The following HRH1 variants were observed in gnomAD, a reference collection of about 807,000 sequenced individuals.
HRH1 encodes histamine H1 receptor.
HRH1 carries 6 observed loss-of-function variants against 10.3 expected under a neutral mutation model. The observed-to-expected ratio is 0.58, with a 90% CI of 0.32 to 1.15. The LOEUF (loss-of-function observed/expected upper bound fraction) is 1.15, where lower values mean the gene tolerates loss of function less well. Ranked by LOEUF, HRH1 falls within the 50% of genes most tolerant of loss-of-function variation. HRH1 has a pLI of 0.05. For missense variants in HRH1, 514 were observed against 615.3 expected (o/e 0.84, Z 1.74); for synonymous variants, 242 against 236.7 (o/e 1.02, Z -0.21).
chr3:11,232,044 T>A (rs1161484552), intron 1 of HRH1, among the ~76,000 whole-genome samples: 1 of 151,204 alleles, frequency 6.6e-6, no homozygotes, highest in Non-Finnish European at 1.5e-5. Context: ...CAGGCTGGAG[T>A]GCAATGGTGC....
chr3:11,235,025 C>A (rs1939140581), intron 1 of HRH1, among the ~76,000 whole-genome samples: 1 of 152,010 alleles, frequency 6.6e-6, no homozygotes, highest in South Asian at 2.1e-4. Flanking sequence ...ACCATCCTGG[C>A]TAACACAGTG....
At chr3:11,152,484 C>T (rs1936657166), upstream of HRH1, among the ~76,000 whole-genome samples, 1 of 152,158 alleles carries the variant, frequency 6.6e-6, no homozygotes, top group Non-Finnish European at 1.5e-5. Context: ...TTTAGCAGGC[C>T]TAAAACTAGC....
At chr3:11,184,004 G>A (rs757187360) in intron 1 of HRH1, among the ~76,000 whole-genome samples, 1 of 151,882 alleles carries the variant, frequency 6.6e-6, no homozygotes, top group South Asian at 2.1e-4. Context: ...CCATGCCTGG[G>A]ACCTCCTAAG....
intron 1 of HRH1, among the ~76,000 whole-genome samples, chr3:11,160,000 A>G (rs1410503073): frequency 6.6e-6 from 1 of 152,244 alleles, no homozygotes; most frequent in Non-Finnish European, 1.5e-5. Context: ...CCAGACATCC[A>G]GATGAAGGGG....
At chr3:11,181,653 A>C in intron 1 of HRH1, among the ~76,000 whole-genome samples, 1 of 105,276 alleles carries the variant, frequency 9.5e-6, no homozygotes, top group South Asian at 2.7e-4. Flanking sequence ...TTTTTTTGAG[A>C]CGGAGTCTCG....
intron 1 of HRH1, among the ~76,000 whole-genome samples, chr3:11,225,139 C>T (rs538509473): frequency 6.6e-6 from 1 of 152,280 alleles, no homozygotes; most frequent in East Asian, 1.9e-4. Context: ...AGGACTTGGG[C>T]CCCTGGAACT....
At chr3:11,141,088 C>T (rs1169867374) in intron 1 of HRH1, among the ~76,000 whole-genome samples, 1 of 152,134 alleles carries the variant, frequency 6.6e-6, no homozygotes, top group African/African-American at 2.4e-5. Context: ...CCTGGGATCC[C>T]AGGGCCATAT....
At chr3:11,217,463 AG>A (rs1398144760) in intron 1 of HRH1, among the ~76,000 whole-genome samples, 12 of 152,220 alleles carry the variant, frequency 7.9e-5, no homozygotes, top group African/African-American at 2.4e-4. Flanking sequence ...CGGCAGGCGG[AG>A]GTTGCAGTGA....
intron 1 of HRH1, among the ~76,000 whole-genome samples, chr3:11,148,976 C>G (rs978082086): frequency 6.6e-6 from 1 of 152,098 alleles, no homozygotes; most frequent in Non-Finnish European, 1.5e-5. Flanking sequence ...CCTCTTCATC[C>G]TCATATCCCA....
At chr3:11,162,507 A>C in intron 1 of HRH1, among the ~76,000 whole-genome samples, 1 of 112,818 alleles carries the variant, frequency 8.9e-6, no homozygotes, top group African/African-American at 4.0e-5. Context: ...TTGAGAAAGC[A>C]CTCCAGGGCT....
chr3:11,245,393 G>A (rs1194237553), intron 1 of HRH1, among the ~76,000 whole-genome samples: 2 of 151,866 alleles, frequency 1.3e-5, no homozygotes, highest in Non-Finnish European at 2.9e-5. Context: ...ATAGACCTAC[G>A]TTCAAATCTT....
chr3:11,192,698 T>C (rs534864082), intron 1 of HRH1, among the ~76,000 whole-genome samples: 2 of 152,282 alleles, frequency 1.3e-5, no homozygotes, highest in Non-Finnish European at 2.9e-5. Context: ...CTGGGCAACA[T>C]AGCAAGACCC....
Position 11,259,297 on chromosome 3 carries a change from A to G in HRH1, c.260A>G (p.Tyr87Cys), listed in dbSNP as rs1446369801. The G allele has an allele frequency of 1.2e-6, 2 of 1,610,184 alleles. No homozygotes were observed. Among genetic ancestry groups the G allele is most frequent in the African/African-American group, 1.4e-5 (1 of 73,558 alleles). Residue 87 changes from tyrosine to cysteine, a missense_variant, in exon 2 of 2, where the codon TAC becomes TGC. Tyr to Cys is a radical substitution (Grantham distance 194, BLOSUM62 -2). Transcript: ENST00000431010. The surrounding 1 kb of genome is among the most constrained non-coding windows in gnomAD (Gnocchi z 4.6). The part of the protein sequence containing the change: ...GAVVMPMNIL[Y>C]LLMSKWSLGR... The stretch of plus-strand genomic sequence containing the variant: ...GTCGTCATGCCTATGAACATCCTCT[A>G]CCTGCTCATGTCCAAGTGGTCACTG...
chr3:11,142,340 C>T (rs964081963), intron 1 of HRH1, among the ~76,000 whole-genome samples: 6 of 152,200 alleles, frequency 3.9e-5, no homozygotes, highest in African/African-American at 1.4e-4. Context: ...GCAGAATTGC[C>T]TAAGGACCTT....
intron 1 of HRH1, among the ~76,000 whole-genome samples, chr3:11,252,345 G>A (rs1045238841): frequency 6.6e-6 from 1 of 152,170 alleles, no homozygotes; most frequent in South Asian, 2.1e-4. Flanking sequence ...GAAAATTTAA[G>A]ACATGGGTTG....
At chr3:11,181,392 G>A (rs1937349922) in intron 1 of HRH1, among the ~76,000 whole-genome samples, 2 of 152,200 alleles carry the variant, frequency 1.3e-5, no homozygotes, top group Non-Finnish European at 2.9e-5. Context: ...CTGTTTTCCA[G>A]AGTGGCTGGA....
intron 1 of HRH1, among the ~76,000 whole-genome samples, chr3:11,176,895 C>A (rs970890309): frequency 6.6e-6 from 1 of 152,122 alleles, no homozygotes; most frequent in Non-Finnish European, 1.5e-5. Flanking sequence ...GAGTTTGAGA[C>A]CGGCCTGGCC....
chr3:11,167,896 G>A (rs1311489664), intron 1 of HRH1, among the ~76,000 whole-genome samples: 2 of 152,204 alleles, frequency 1.3e-5, no homozygotes, highest in Non-Finnish European at 2.9e-5. Context: ...CTGCCCAATA[G>A]GTGTCAGGGA....
chr3:11,232,916 C>G (rs576606572), intron 1 of HRH1, among the ~76,000 whole-genome samples: 1 of 152,146 alleles, frequency 6.6e-6, no homozygotes, highest in Non-Finnish European at 1.5e-5. Flanking sequence ...GCTGACAGCT[C>G]TTTTCTTTCA....
Sources: gnomAD v4.1 joint callset for allele counts (sites outside exome capture counted in the v4.1 genomes callset) on GRCh38, gnomAD v4.1.1 for gene constraint, Gnocchi (gnomAD v3.1) non-coding constraint, MANE v1.5 for transcripts, NCBI Gene and HGNC (gene_info 2026-07-23, HGNC 2026-07-21) for gene names.